The following CLMN variants were observed in gnomAD, a reference collection of about 807,000 sequenced individuals.
CLMN encodes the protein calmin.
Under a neutral mutation model 92.7 loss-of-function variants are expected in CLMN, and 57 were observed. That is an observed-to-expected ratio of 0.61 (90% CI 0.50 to 0.77). The LOEUF is 0.77. Among genes scored for constraint, CLMN ranks in the 30% least tolerant of loss-of-function variants. The probability of loss-of-function intolerance (pLI) is 0.00; values close to 1 mark genes in which losing one functional copy is unlikely to be tolerated. For synonymous variants in CLMN, 466 were observed against 470.6 expected (o/e 0.99, Z 0.13); for missense variants, 1,158 against 1,237.5 (o/e 0.94, Z 0.96).
chr14:95,252,538 G>A (rs979336943), intron 1 of CLMN, among the ~76,000 whole-genome samples: 1 of 152,182 alleles, frequency 6.6e-6, no homozygotes, highest in Non-Finnish European at 1.5e-5. Flanking sequence ...CTTCTGGTGG[G>A]TAATTTATGT....
chr14:95,284,795 T>C (rs1024787494), intron 1 of CLMN, among the ~76,000 whole-genome samples: 4 of 152,178 alleles, frequency 2.6e-5, no homozygotes, highest in Non-Finnish European at 2.9e-5. Context: ...GCAGAAGGGA[T>C]TTGCCTTGTC....
At chr14:95,245,210 ATATATATATATATAT>A (rs1566890940) in intron 1 of CLMN, among the ~76,000 whole-genome samples, 3 of 24,186 alleles carry the variant, frequency 1.2e-4, no homozygotes, top group East Asian at 1.9e-3. Context: ...TATATATATT[ATATATATATATATAT>A]TATATATATA....
At chr14:95,197,880 AG>A (rs1264121175) in intron 9 of CLMN, among the ~76,000 whole-genome samples, 1 of 152,144 alleles carries the variant, frequency 6.6e-6, no homozygotes, top group African/African-American at 2.4e-5. Flanking sequence ...AGCTGCGCTC[AG>A]CAATCTGAAA....
At chr14:95,230,785 C>A (rs1897860828) in intron 1 of CLMN, among the ~76,000 whole-genome samples, 1 of 152,248 alleles carries the variant, frequency 6.6e-6, no homozygotes, top group African/African-American at 2.4e-5. Context: ...GGCACAGGGG[C>A]TGCCAGTGGT....
chr14:95,319,107 C>T (rs1164779933), intron 1 of CLMN, among the ~76,000 whole-genome samples: 1 of 152,126 alleles, frequency 6.6e-6, no homozygotes, highest in Non-Finnish European at 1.5e-5. Context: ...GGGGCTCTCG[C>T]CCTCTCCCCA....
At position 95,304,254 on chromosome 14, in the gene CLMN, T is replaced by C. The variant is rs754442938; in HGVS notation, c.82+15457A>G. Reference sequence around the variant, plus strand: ...GGGAGACTGAGGCAGGAGGTTTGATTGAGCCTAGGAGTTCAAGGCTGCAGT... The same window carrying C: ...GGGAGACTGAGGCAGGAGGTTTGATCGAGCCTAGGAGTTCAAGGCTGCAGT... On this transcript the variant is annotated intron_variant, in intron 1 of 12. Transcript: ENST00000298912. 3.4e-4 allele frequency among the ~76,000 whole-genome samples: 51 copies of C among 152,222 alleles called. 1 individual carries two copies. Among genetic ancestry groups the C allele is most frequent in the South Asian group, 8.3e-4 (4 of 4,816 alleles).
chr14:95,283,195 T>C (rs1900205850), intron 1 of CLMN, among the ~76,000 whole-genome samples: 2 of 152,236 alleles, frequency 1.3e-5, no homozygotes, highest in Admixed American at 1.3e-4. Flanking sequence ...ATAAGTCTCA[T>C]GCGATCTGAT....
intron 1 of CLMN, among the ~76,000 whole-genome samples, chr14:95,308,528 C>A (rs1444901232): frequency 6.6e-6 from 1 of 152,160 alleles, no homozygotes; most frequent in Non-Finnish European, 1.5e-5. Flanking sequence ...TGGCTTGGAA[C>A]CTGTGACAAT....
intron 1 of CLMN, among the ~76,000 whole-genome samples, chr14:95,282,954 G>T (rs1427453149): frequency 6.6e-6 from 1 of 152,224 alleles, no homozygotes; most frequent in Non-Finnish European, 1.5e-5. Context: ...GACTGGGGAG[G>T]GGGAGGGACT....
At chr14:95,315,494 G>A (rs911793297) in intron 1 of CLMN, among the ~76,000 whole-genome samples, 2 of 152,182 alleles carry the variant, frequency 1.3e-5, no homozygotes, top group East Asian at 1.9e-4. Flanking sequence ...GTCCAAGTTC[G>A]CATGAGGGAC....
intron 1 of CLMN, among the ~76,000 whole-genome samples, chr14:95,234,944 A>AT (rs1349184596): frequency 1.3e-5 from 2 of 152,188 alleles, no homozygotes. Flanking sequence ...CTTTCTACAT[A>AT]TTGATAATAT....
At chr14:95,228,006 C>G (rs4905287) in intron 2 of CLMN, among the ~76,000 whole-genome samples, 65,735 of 151,926 alleles carry the variant, frequency 0.43, 14,647 homozygotes, top group Non-Finnish European at 0.45. Context: ...TTTTCAGAGT[C>G]GGCGCTACCC....
intron 3 of CLMN, chr14:95,222,423 C>T (rs773791128): frequency 7.9e-6 from 3 of 377,480 alleles, no homozygotes; most frequent in South Asian, 2.0e-5. Context: ...AGCACACTGA[C>T]GCTCCTCCAG....
intron 7 of CLMN, 93 bp downstream of exon 7, chr14:95,210,593 A>C (rs1897168598): frequency 1.3e-5 from 17 of 1,337,510 alleles, no homozygotes; most frequent in Non-Finnish European, 1.7e-5. Context: ...TCTTCATTAG[A>C]TTTTTCTGTA....
At chr14:95,222,349 A>C (rs565789901) in intron 3 of CLMN, 50 of 258,812 alleles carry the variant, frequency 1.9e-4, no homozygotes, top group Admixed American at 6.4e-4. Flanking sequence ...GCAGAAGCTA[A>C]AACTCTGACA....
chr14:95,270,158 C>T (rs1349230434), intron 1 of CLMN, among the ~76,000 whole-genome samples: 5 of 152,330 alleles, frequency 3.3e-5, no homozygotes, highest in South Asian at 4.1e-4. Context: ...TGTCTGCCTG[C>T]CAAGCTATGG....
chr14:95,204,314 T>C lies in CLMN; in HGVS notation c.1035A>G (p.Pro345=). Reference sequence around the variant, plus strand: ...CACAGACAAAGACTTTGGAGGGTGGTGGGTGGCTGGTTTCATGGTTAACAG... The same window carrying C: ...CACAGACAAAGACTTTGGAGGGTGGCGGGTGGCTGGTTTCATGGTTAACAG... ...TYTVNHETSH[P]PPSKVFVCDK... Residue 345 remains proline (P), a synonymous_variant, in exon 9 of 13, where the codon CCA becomes CCG. Transcript: ENST00000298912. 6.2e-7 allele frequency: 1 copy of C among 1,614,100 alleles called. No individual in the cohort carries two copies. Among genetic ancestry groups the C allele is most frequent in the Non-Finnish European group, 8.5e-7 (1 of 1,180,000 alleles).
At position 95,248,880 on chromosome 14, in the gene CLMN, T is replaced by C. The variant is rs567692218; in HGVS notation, c.83-18747A>G. Among the ~76,000 whole-genome samples, 6 of 152,302 alleles carry C rather than the reference T, an allele frequency of 3.9e-5. No individual in the cohort carries two copies. In the East Asian group the frequency reaches 7.7e-4, roughly 20 times the overall value. On this transcript the variant is annotated intron_variant, in intron 1 of 12. Coordinates refer to ENST00000298912, the MANE Select transcript of CLMN (RefSeq NM_024734.4). ...CCATAAGTATATATTTGATAAAAGT[T>C]TTATGTTTTATTTACAAAAAATTAC...
intron 1 of CLMN, among the ~76,000 whole-genome samples, chr14:95,237,075 T>C (rs780842061): frequency 3.3e-5 from 5 of 152,230 alleles, no homozygotes; most frequent in Non-Finnish European, 7.3e-5. Context: ...GTGGCTATGA[T>C]TGCTCATTTT....
Sources: gnomAD v4.1 joint callset for allele counts (sites outside exome capture counted in the v4.1 genomes callset) on GRCh38, gnomAD v4.1.1 for gene constraint, MANE v1.5 for transcripts, NCBI Gene and HGNC (gene_info 2026-07-23, HGNC 2026-07-21) for gene names.